The following RAD51D variants were observed in gnomAD, a reference collection of about 807,000 sequenced individuals.
RAD51D encodes RAD51 paralog D, also known as DNA repair protein RAD51 homolog 4.
RAD51D carries 38 observed loss-of-function variants against 44.1 expected under a neutral mutation model. That is an observed-to-expected ratio of 0.86 (90% CI 0.67 to 1.13). The LOEUF is 1.13. RAD51D is among the 50% of genes most tolerant of loss of function. The pLI is 0.00. For synonymous variants in RAD51D, 141 were observed against 166.6 expected (o/e 0.85, Z 1.18); for missense variants, 390 against 414.0 (o/e 0.94, Z 0.50).
intron 3 of RAD51D, among the ~76,000 whole-genome samples, chr17:35,118,291 A>G (rs533874119): frequency 1.3e-5 from 2 of 152,098 alleles, no homozygotes; most frequent in Admixed American, 1.3e-4. Context: ...ACAAATAATT[A>G]CCTGTCCCTA....
intron 3 of RAD51D, chr17:35,117,104 C>T (rs2091759302): frequency 6.6e-7 from 1 of 1,514,584 alleles, no homozygotes. Context: ...CCCTCCTTAC[C>T]GTTGCCTCCC....
intron 3 of RAD51D, among the ~76,000 whole-genome samples, chr17:35,107,886 C>A (rs1212955074): frequency 1.3e-5 from 2 of 151,048 alleles, no homozygotes; most frequent in African/African-American, 4.9e-5. Context: ...TCCCGAGTAG[C>A]TGGGACTACA....
chr17:35,116,816 A>G, intron 3 of RAD51D: 1 of 1,408,870 alleles, frequency 7.1e-7, no homozygotes, highest in East Asian at 2.5e-5. Flanking sequence ...TTAAACAGTA[A>G]CATGCTCATT....
chr17:35,115,688 C>T (rs1224135865), intron 3 of RAD51D, among the ~76,000 whole-genome samples: 3 of 151,816 alleles, frequency 2.0e-5, no homozygotes, highest in East Asian at 1.9e-4. Flanking sequence ...GCCAACATGG[C>T]GAAAGTCCAT....
chr17:35,119,423 A>G, intron 1 of RAD51D, 109 bp downstream of exon 1: 3 of 1,298,284 alleles, frequency 2.3e-6, no homozygotes, highest in Non-Finnish European at 3.3e-6. Context: ...CCCTCTAGGA[A>G]TGGAGGGGAA....
chr17:35,119,294 G>A, intron 1 of RAD51D, 122 bp from the exon 2 acceptor site: 1 of 1,014,544 alleles, frequency 9.9e-7, no homozygotes, highest in Non-Finnish European at 1.5e-6. Context: ...CAGGAGGCCA[G>A]TGTGAAATAA....
At position 35,106,363 on chromosome 17, in the gene RAD51D, G is replaced by T. The variant is rs764502165; in HGVS notation, c.576+23C>A. 3.1e-6 allele frequency: 5 copies of T among 1,602,304 alleles called. No homozygotes were observed. The South Asian group carries it at 4.4e-5, about 14-fold the overall frequency. ...CACCTAGAAAGCTGAATTAAGCAAG[G>T]AGGGGCAGAACAGCAGGCTCACCTG... On this transcript the variant is annotated intron_variant, in intron 6 of 9. Transcript: ENST00000345365.
chr17:35,106,282 A>T, intron 6 of RAD51D, 104 bp downstream of exon 6: 2 of 942,728 alleles, frequency 2.1e-6, no homozygotes, highest in Non-Finnish European at 3.5e-6. Context: ...GAGTCACCAG[A>T]TTGCACATCT....
At chr17:35,117,158 A>C in intron 3 of RAD51D, 1 of 1,107,534 alleles carries the variant, frequency 9.0e-7, no homozygotes, top group Non-Finnish European at 1.3e-6. Context: ...TTTCCCCTAC[A>C]CCCAACTAGA....
rs796378137 is a variant in RAD51D, at chr17:35,116,485, A to T, written c.263+2016T>A. 6.6e-4 allele frequency among the ~76,000 whole-genome samples: 99 copies of T among 151,076 alleles called. 2 individuals are homozygous for T. The South Asian group carries it at 0.012, about 18-fold the overall frequency. On this transcript the variant is annotated intron_variant, in intron 3 of 9. Coordinates refer to ENST00000345365, the MANE Select transcript of RAD51D (RefSeq NM_002878.4). The stretch of plus-strand genomic sequence containing the variant: ...ACCTATAGAATGATGATTTATTTTT[A>T]TTTTATTTTATTTTATTTTATTTTT...
chr17:35,119,831 C>T lies in RAD51D; in HGVS notation c.-218G>A, dbSNP rs1028002444. 8.8e-6 allele frequency: 6 copies of T among 681,638 alleles called. No homozygotes were observed. The highest frequency in any genetic ancestry group is 1.6e-5 in the Non-Finnish European group (6 of 376,262). 42.2% of individuals were successfully genotyped at this position (681,638 alleles called of 1,614,324 possible). A position where few individuals can be genotyped will look rare whatever the true frequency, so the allele number is the denominator to read the frequency against. On this transcript the variant is annotated 5_prime_UTR_variant, in exon 1 of 10. Coordinates refer to ENST00000345365, the MANE Select transcript of RAD51D (RefSeq NM_002878.4). ...CCGGGATTCCCGCGCCCAGAGCCCG[C>T]CCGCCGGGTCGCGCCGCGCTGCCGC...
At position 35,103,137 on chromosome 17, in the gene RAD51D, C is replaced by CT. The variant is rs1184641920; in HGVS notation, c.738+116dup. Reference sequence around the variant, plus strand: ...CAAAGCTGTAGCTGACCCAGGGAAGCTGGGATATGTCCCTTTCCTAAAGGG... The same window carrying CT: ...CAAAGCTGTAGCTGACCCAGGGAAGCTTGGGATATGTCCCTTTCCTAAAGGG... On this transcript the variant is annotated intron_variant, in intron 8 of 9. Coordinates refer to ENST00000345365, the MANE Select transcript of RAD51D (RefSeq NM_002878.4). This position sits in a 1 kb window ranked among gnomAD's most constrained non-coding sequence, Gnocchi z 4.1. 3 of 934,806 alleles carry CT rather than the reference C, an allele frequency of 3.2e-6. No individual in the cohort carries two copies. In the East Asian group the frequency reaches 7.9e-5, roughly 24 times the overall value. The allele number at this position is 934,806 out of a possible 1,614,324, so 57.9% of individuals were successfully genotyped here. A position where few individuals can be genotyped will look rare whatever the true frequency, so the allele number is the denominator to read the frequency against.
At position 35,116,950 on chromosome 17, in the gene RAD51D, C is replaced by A. The variant is rs780006577; in HGVS notation, c.263+1551G>T. The A allele has an allele frequency of 1.2e-6, 2 of 1,613,616 alleles. No individual in the cohort carries two copies. Among genetic ancestry groups the A allele is most frequent in the East Asian group, 4.5e-5 (2 of 44,880 alleles). On this transcript the variant is annotated intron_variant, in intron 3 of 9. Transcript: ENST00000345365. ...TGCCCAAGTCCTGCCTTCTTCAGAG[C>A]ATTCCTGACCCCACTCCACGATCTC... is the stretch of plus-strand genomic sequence containing the variant.
At position 35,108,864 on chromosome 17, in the gene RAD51D, TTTTC is replaced by T. The variant is rs2091642148; in HGVS notation, c.264-1421_264-1418del. Among the ~76,000 whole-genome samples, 24 of 124,674 alleles carry T rather than the reference TTTTC, an allele frequency of 1.9e-4. No individual in the cohort carries two copies. The South Asian group carries it at 6.0e-3, about 31-fold the overall frequency. 81.8% of individuals were successfully genotyped at this position (124,674 alleles called of 152,430 possible). Reference sequence around the variant, plus strand: ...TAACCTTTGTGATTGGCTTTTTTTCTTTTCTTTTTTTTTTTTTTTTGAGACGGAG... The same window carrying T: ...TAACCTTTGTGATTGGCTTTTTTTCTTTTTTTTTTTTTTTTTGAGACGGAG... On this transcript the variant is annotated intron_variant, in intron 3 of 9. Coordinates refer to ENST00000345365, the MANE Select transcript of RAD51D (RefSeq NM_002878.4).
rs544654228 is a variant in RAD51D at position 35,106,469 on chromosome 17, G to C, written c.493C>G (p.Arg165Gly). Residue 165 changes from arginine (R) to glycine (G), a missense_variant, in exon 6 of 10, where the codon CGG (arginine) becomes GGG (glycine). Coordinates refer to ENST00000345365, the MANE Select transcript of RAD51D (RefSeq NM_002878.4). ...QDEEEQAEAL[R>G]RIQVVHAFDI... ...AATGCATGCACCACCTGGATCCTCC[G>C]GAGAGCTTCTGCCTGAAGCGGTGGA... 1.2e-6 allele frequency: 2 copies of C among 1,612,352 alleles called. No individual in the cohort carries two copies. The highest frequency in any genetic ancestry group is 1.7e-6 in the Non-Finnish European group (2 of 1,179,204).
intron 3 of RAD51D, chr17:35,116,739 C>A: frequency 1.3e-6 from 1 of 740,890 alleles, no homozygotes; most frequent in South Asian, 1.7e-5. Context: ...CATGATCCGC[C>A]CACCTCAGCC....
At chr17:35,115,767 G>A (rs1357857036) in intron 3 of RAD51D, among the ~76,000 whole-genome samples, 1 of 151,848 alleles carries the variant, frequency 6.6e-6, no homozygotes, top group Admixed American at 6.6e-5. Context: ...CTACTCGGGA[G>A]GCTGAGTCAG....
rs28363260 is a variant in RAD51D, at chr17:35,119,078, C to G, written c.144+33G>C. On this transcript the variant is annotated intron_variant, in intron 2 of 9. Coordinates refer to ENST00000345365, the MANE Select transcript of RAD51D (RefSeq NM_002878.4). ...TTGGGATGGACTTTTTAAAAAGACA[C>G]TCAGGTTTGGAATGTGGAGATCAGG... 679 of 1,596,482 alleles carry G rather than the reference C, an allele frequency of 4.3e-4. 7 individuals carry two copies. In the South Asian group the frequency reaches 7.1e-3, roughly 17 times the overall value.
chr17:35,115,944 A>AAG lies in RAD51D; in HGVS notation c.263+2556_263+2557insCT, dbSNP rs2091734600. Among the ~76,000 whole-genome samples the AAG allele has an allele frequency of 2.9e-3, 196 of 66,890 alleles. 1 individual carries two copies. The highest frequency in any genetic ancestry group is 0.012 in the South Asian group (20 of 1,720). The allele number at this position is 66,890 out of a possible 152,430, so 43.9% of individuals were successfully genotyped here. ...GGAAGGAAGGAAGGAAGGAAGAAAG[A>AAG]AAAGGAAGAAAGGAAAGAAAGAAAG... On this transcript the variant is annotated intron_variant, in intron 3 of 9. Coordinates refer to ENST00000345365, the MANE Select transcript of RAD51D (RefSeq NM_002878.4).
Sources: gnomAD v4.1 joint callset for allele counts (sites outside exome capture counted in the v4.1 genomes callset) on GRCh38, gnomAD v4.1.1 for gene constraint, Gnocchi (gnomAD v3.1) non-coding constraint, MANE v1.5 for transcripts, NCBI Gene and HGNC (gene_info 2026-07-23, HGNC 2026-07-21) for gene names.